The following ZNF132 variants were observed in gnomAD, a reference collection of about 807,000 sequenced individuals.
ZNF132 encodes the protein zinc finger protein 132 (clone pHZ-12).
A neutral mutation model predicts 9.3 loss-of-function variants in ZNF132; 6 were observed. That is an observed-to-expected ratio of 0.65 (90% confidence interval 0.35 to 1.28). The LOEUF is 1.28. ZNF132 is among the 50% of genes most tolerant of loss of function. ZNF132 has a pLI of 0.03. For missense variants in ZNF132, 877 were observed against 843.2 expected (o/e 1.04, Z -0.50); for synonymous variants, 296 against 292.0 (o/e 1.01, Z -0.14).
chr19:58,433,657 T>C lies in ZNF132; in HGVS notation c.1787A>G (p.Glu596Gly), dbSNP rs755735297. Reference sequence around the variant, plus strand: ...ACATTCACTGCATTTATAAGGCTTTTCTCCAGTATGAACTTTCTGATGCTT... The same window carrying C: ...ACATTCACTGCATTTATAAGGCTTTCCTCCAGTATGAACTTTCTGATGCTT... Reference protein sequence around the residue: ...LIKHQKVHTGEKPYKCSECGK... With the variant: ...LIKHQKVHTGGKPYKCSECGK... The change falls in exon 3 of 3, where the codon GAA becomes GGA. Residue 596 changes from glutamate (E) to glycine (G), a missense_variant. Physicochemically the swap from Glu to Gly is moderately conservative, Grantham distance 98. Transcript: ENST00000254166. 1.2e-6 allele frequency: 2 copies of C among 1,614,184 alleles called. No homozygotes were observed. The highest frequency in any genetic ancestry group is 1.7e-6 in the Non-Finnish European group (2 of 1,180,030).
At chr19:58,436,897 C>T (rs758517193) in intron 2 of ZNF132, 150 bp downstream of exon 2, 8 of 1,051,008 alleles carry the variant, frequency 7.6e-6, no homozygotes, top group Non-Finnish European at 1.2e-5. Flanking sequence ...GGGAAGTACA[C>T]ACAGCAGAAC....
At chr19:58,438,432 C>T (rs1044274988) in intron 1 of ZNF132, among the ~76,000 whole-genome samples, 5 of 150,388 alleles carry the variant, frequency 3.3e-5, no homozygotes, top group African/African-American at 1.2e-4. Flanking sequence ...CTGAAATCTA[C>T]TCCTCACACC....
chr19:58,434,900 T>G lies in ZNF132; in HGVS notation c.544A>C (p.Ser182Arg), dbSNP rs766297379. 1.9e-6 allele frequency: 3 copies of G among 1,614,004 alleles called. No individual in the cohort carries two copies. The South Asian group carries it at 3.3e-5, about 18-fold the overall frequency. Residue 182 changes from serine to arginine, a missense_variant, in exon 3 of 3, where the codon AGC becomes CGC. By Grantham distance (110) the Ser-to-Arg change is moderately radical. Coordinates refer to ENST00000254166, the MANE Select transcript of ZNF132 (RefSeq NM_003433.4). Reference sequence around the variant, plus strand: ...TTCTCTGACAGGTGGACTTTAGAGCTCTTCATAAGTGCGTCCCTGTCCTTG... The same window carrying G: ...TTCTCTGACAGGTGGACTTTAGAGCGCTTCATAAGTGCGTCCCTGTCCTTG... Reference protein sequence around the residue: ...WYKDRDALMKSSKVHLSENPF... With the variant: ...WYKDRDALMKRSKVHLSENPF...
At chr19:58,435,237 C>T in intron 2 of ZNF132, 26 bp from the exon 3 acceptor site, 2 of 1,588,112 alleles carry the variant, frequency 1.3e-6, no homozygotes, top group Admixed American at 1.8e-5. Flanking sequence ...TGCCAGTTAA[C>T]TAAGAATTCC....
intron 2 of ZNF132, chr19:58,435,490 T>G: frequency 3.1e-6 from 1 of 325,212 alleles, no homozygotes; most frequent in South Asian, 6.5e-5. Context: ...TATACACAAA[T>G]GGCCAATAAG....
rs1471113449 is a variant in ZNF132, at chr19:58,434,749, G to A, written c.695C>T (p.Thr232Ile). Residue 232 changes from threonine to isoleucine, a missense_variant, in exon 3 of 3, where the codon ACA (threonine) becomes ATA (isoleucine). Thr to Ile is a moderately conservative substitution (Grantham distance 89). Transcript: ENST00000254166. ...NLGQLPEVCTTQKLFECSNCG... is the reference protein window; with the variant it reads ...NLGQLPEVCTIQKLFECSNCG... ...GTTGCTGCACTCGAAGAGTTTCTGT[G>A]TGGTACAGACTTCTGGAAGCTGCCC... The A allele has an allele frequency of 6.2e-7, 1 of 1,614,076 alleles. No homozygotes were observed. The highest frequency in any genetic ancestry group is 8.5e-7 in the Non-Finnish European group (1 of 1,180,046).
intron 2 of ZNF132, 126 bp downstream of exon 2, chr19:58,436,921 C>G: frequency 7.7e-7 from 1 of 1,305,484 alleles, no homozygotes. Flanking sequence ...AGCACCCCAG[C>G]ACCTACAACA....
In ZNF132 at chr19:58,439,781, G is replaced by C. The variant is rs755598367; in HGVS notation, c.41C>G (p.Ala14Gly). ...PSPQVLMGLPALLMGPAQHTS... is the reference protein window; with the variant it reads ...PSPQVLMGLPGLLMGPAQHTS... ...TACCTGCGCCGGGCCCATCAGCAAC[G>C]CTGGCAACCCCATTAGAACCTGTGG... is the stretch of plus-strand genomic sequence containing the variant. The change falls in exon 1 of 3, where the codon GCG (alanine) becomes GGG (glycine). Residue 14 changes from alanine (A) to glycine (G), a missense_variant. Ala to Gly is a moderately conservative substitution (Grantham distance 60). Coordinates refer to ENST00000254166, the MANE Select transcript of ZNF132 (RefSeq NM_003433.4). 6.5e-7 allele frequency: 1 copy of C among 1,545,914 alleles called. No individual in the cohort carries two copies. The highest frequency in any genetic ancestry group is 1.2e-5 in the South Asian group (1 of 82,930).
intron 1 of ZNF132, chr19:58,437,725 C>T: frequency 1.0e-6 from 1 of 985,432 alleles, no homozygotes; most frequent in Non-Finnish European, 1.2e-6. Context: ...ACATGGCATA[C>T]CTGACAGATG....
chr19:58,439,010 G>C, intron 1 of ZNF132, among the ~76,000 whole-genome samples: 1 of 152,076 alleles, frequency 6.6e-6, no homozygotes, highest in Non-Finnish European at 1.5e-5. Context: ...CTGACCTCAA[G>C]TGATCTGGCC....
chr19:58,438,147 C>T (rs972420364), intron 1 of ZNF132, among the ~76,000 whole-genome samples: 3 of 152,158 alleles, frequency 2.0e-5, no homozygotes, highest in African/African-American at 2.4e-5. Context: ...GCAAATCAAC[C>T]TAAACCAAAG....
rs1026158134 is a variant in ZNF132, at chr19:58,432,876, G to T, written c.*447C>A. On this transcript the variant is annotated 3_prime_UTR_variant, in exon 3 of 3. Transcript: ENST00000254166. Reference sequence around the variant, plus strand: ...TGCAGGCAAGGTAGGTGATTCCAGTGGAGGGTGATTTGTGGCCTCAATGGA... The same window carrying T: ...TGCAGGCAAGGTAGGTGATTCCAGTTGAGGGTGATTTGTGGCCTCAATGGA... The T allele has an allele frequency of 1.7e-5, 3 of 172,922 alleles. No homozygotes were observed. Among genetic ancestry groups the T allele is most frequent in the African/African-American group, 7.2e-5 (3 of 41,836 alleles). The allele number at this position is 172,922 out of a possible 1,614,324, so 10.7% of individuals were successfully genotyped here. A position where few individuals can be genotyped will look rare whatever the true frequency, so the allele number is the denominator to read the frequency against.
rs761434977 is a variant in ZNF132, at chr19:58,434,102, G to A, written c.1342C>T (p.Gln448Ter). Residue 448 changes from glutamine to a stop codon, truncating the protein, a stop_gained, in exon 3 of 3, where the codon CAG (glutamine) becomes TAG (stop). Transcript: ENST00000254166. LOFTEE classifies it low-confidence loss of function (END_TRUNC). ...RAFNNNSNLA[Q>*]HQKVHTGERP... is the part of the protein sequence containing the mutation. ...TCTCCGGTGTGAACTTTCTGGTGCT[G>A]AGCAAGGTTGGAGTTATTGTTAAAA... The A allele has an allele frequency of 2.5e-6, 4 of 1,613,822 alleles. No homozygotes were observed. Among genetic ancestry groups the A allele is most frequent in the Admixed American group, 1.7e-5 (1 of 59,998 alleles).
rs769887438 is a variant in ZNF132, at chr19:58,434,800, C to T, written c.644G>A (p.Ser215Asn). The change falls in exon 3 of 3, where the codon AGT (serine) becomes AAT (asparagine). Residue 215 changes from serine to asparagine, a missense_variant. Coordinates refer to ENST00000254166, the MANE Select transcript of ZNF132 (RefSeq NM_003433.4). ...CDLLQLQAVD[S>N]GQKPYSNLGQ... The stretch of plus-strand genomic sequence containing the variant: ...AAGATTGGAATATGGCTTCTGCCCA[C>T]TGTCAACAGCTTGAAGCTGGAGGAG... 1.9e-6 allele frequency: 3 copies of T among 1,614,106 alleles called. No individual in the cohort carries two copies. The highest frequency in any genetic ancestry group is 2.2e-5 in the East Asian group (1 of 44,900).
At chr19:58,436,782 A>T in intron 2 of ZNF132, 1 of 571,220 alleles carries the variant, frequency 1.8e-6, no homozygotes, top group Non-Finnish European at 3.2e-6. Flanking sequence ...TCTCAGTGGG[A>T]TCTGTTAGGC....
At chr19:58,438,001 GA>G (rs1395854300) in intron 1 of ZNF132, among the ~76,000 whole-genome samples, 2 of 152,110 alleles carry the variant, frequency 1.3e-5, no homozygotes. Context: ...TTGGCTTGGG[GA>G]CTCAGCTTAG....
intron 2 of ZNF132, among the ~76,000 whole-genome samples, chr19:58,436,547 A>T (rs940705117): frequency 6.6e-6 from 1 of 151,676 alleles, no homozygotes; most frequent in Non-Finnish European, 1.5e-5. Flanking sequence ...AGGCACCTGT[A>T]GTCCCAGCTA....
At position 58,439,817 on chromosome 19, in the gene ZNF132, G is replaced by A. The variant is rs758713232; in HGVS notation, c.5C>T (p.Ala2Val). Residue 2 changes from alanine (A) to valine (V), a missense_variant, in exon 1 of 3, where the codon GCC becomes GTC. Coordinates refer to ENST00000254166, the MANE Select transcript of ZNF132 (RefSeq NM_003433.4). M[A>V]LPSPQVLMGL... ...CATTAGAACCTGTGGGCTGGGCAGG[G>A]CCATAACAGGAGGCCCAGGGCTAGC... 3.2e-6 allele frequency: 5 copies of A among 1,544,148 alleles called. No individual in the cohort carries two copies. The highest frequency in any genetic ancestry group is 1.7e-4 in the Middle Eastern group (1 of 5,958).
chr19:58,434,572 T>C lies in ZNF132; in HGVS notation c.872A>G (p.His291Arg). ...GGCCTTCCCACACTCCTTACACACA[T>C]GGGGTATTTCCCCAGTGTGAAACTT... ...NKKFHTGEIP[H>R]VCKECGKAFS... Residue 291 changes from histidine (H) to arginine (R), a missense_variant, in exon 3 of 3, where the codon CAT becomes CGT. By Grantham distance (29) the His-to-Arg change is conservative. Transcript: ENST00000254166. 6.2e-7 allele frequency: 1 copy of C among 1,614,122 alleles called. No individual in the cohort carries two copies.
Sources: gnomAD v4.1 joint callset for allele counts (sites outside exome capture counted in the v4.1 genomes callset) on GRCh38, gnomAD v4.1.1 for gene constraint, MANE v1.5 for transcripts, NCBI Gene and HGNC (gene_info 2026-07-23, HGNC 2026-07-21) for gene names.